MOBP: variants seen among roughly 807,000 people sequenced by gnomAD.
MOBP encodes the protein myelin-associated oligodendrocyte basic protein.
A neutral mutation model predicts 15.0 loss-of-function variants in MOBP; 5 were observed. The ratio of observed to expected loss-of-function variants is 0.33; its 90% CI spans 0.17 to 0.70. MOBP has a LOEUF of 0.70. Ranked by LOEUF, MOBP falls within the 30% of genes least tolerant of loss-of-function variation. MOBP has a pLI of 0.67. For synonymous variants in MOBP, 88 were observed against 99.0 expected (o/e 0.89, Z 0.66); for missense variants, 188 against 257.8 (o/e 0.73, Z 1.85).
chr3:39,480,742 T>C (rs2042616620), intron 2 of MOBP, among the ~76,000 whole-genome samples: 1 of 152,154 alleles, frequency 6.6e-6, no homozygotes, highest in Non-Finnish European at 1.5e-5. Flanking sequence ...GGCTGCCCAC[T>C]CCCTCTCCAC....
chr3:39,471,362 C>G (rs1278974184), intron 1 of MOBP, among the ~76,000 whole-genome samples: 1 of 152,080 alleles, frequency 6.6e-6, no homozygotes, highest in Non-Finnish European at 1.5e-5. Context: ...ATCTCCTGAC[C>G]TCGTGATCTG....
At chr3:39,489,311 A>G (rs765491406) in intron 2 of MOBP, among the ~76,000 whole-genome samples, 3 of 152,140 alleles carry the variant, frequency 2.0e-5, no homozygotes, top group Non-Finnish European at 2.9e-5. Context: ...CATTGGATAT[A>G]CTACTCATGG....
chr3:39,502,378 C>G lies in MOBP; in HGVS notation c.206+103C>G. On this transcript the variant is annotated intron_variant, in intron 3 of 3. Coordinates refer to ENST00000684792, the MANE Select transcript of MOBP (RefSeq NM_001393704.1). This position sits in a 1 kb window ranked among gnomAD's most constrained non-coding sequence, Gnocchi z 6.3. Reference sequence around the variant, plus strand: ...GCACCCCACTCTTCCCCCTAGTCGGCTCCGGGTTAGGCTCCGACACCGGAA... The same window carrying G: ...GCACCCCACTCTTCCCCCTAGTCGGGTCCGGGTTAGGCTCCGACACCGGAA... 1.3e-6 allele frequency: 2 copies of G among 1,557,496 alleles called. No homozygotes were observed. Among genetic ancestry groups the G allele is most frequent in the Non-Finnish European group, 1.7e-6 (2 of 1,153,802 alleles).
At chr3:39,478,073 T>C (rs1289946512) in intron 1 of MOBP, among the ~76,000 whole-genome samples, 2 of 152,110 alleles carry the variant, frequency 1.3e-5, no homozygotes, top group Non-Finnish European at 2.9e-5. Context: ...CCTAAGTATA[T>C]AGCATTTATA....
chr3:39,525,533 G>A (rs1355166298), downstream of MOBP: 1 of 152,382 alleles, frequency 6.6e-6, no homozygotes, highest in African/African-American at 2.4e-5. Context: ...TGTGCTAGGA[G>A]CTGGTGTGGC....
In MOBP at chr3:39,502,394, GACACC is replaced by G; in HGVS notation, c.206+120_206+124del. ...CCTAGTCGGCTCCGGGTTAGGCTCC[GACACC>G]GGAAGGCACTCCAGGGAGACTGGAA... is the stretch of plus-strand genomic sequence containing the variant. On this transcript the variant is annotated intron_variant, in intron 3 of 3. Transcript: ENST00000684792. The surrounding 1 kb of genome is among the most constrained non-coding windows in gnomAD (Gnocchi z 6.3). The G allele has an allele frequency of 6.5e-7, 1 of 1,536,278 alleles. No homozygotes were observed. The highest frequency in any genetic ancestry group is 8.7e-7 in the Non-Finnish European group (1 of 1,144,982).
intron 2 of MOBP, among the ~76,000 whole-genome samples, chr3:39,501,795 C>T (rs1005888352): frequency 2.0e-5 from 3 of 152,120 alleles, no homozygotes; most frequent in South Asian, 2.1e-4. Flanking sequence ...TTACATGGGT[C>T]TCTAAAACAT....
chr3:39,515,059 T>G (rs2043182566), exon 5 of MOBP: 1 of 151,700 alleles, frequency 6.6e-6, no homozygotes, highest in African/African-American at 2.4e-5. Flanking sequence ...TGGGCTCTCA[T>G]TTTCTCTCTC....
At chr3:39,469,182 G>GTGTGTGTATATACATATATACA (rs2042424432) in intron 1 of MOBP, among the ~76,000 whole-genome samples, 3 of 81,936 alleles carry the variant, frequency 3.7e-5, no homozygotes, top group Admixed American at 3.4e-4. Flanking sequence ...ATATACATGT[G>GTGTGTGTATATACATATATACA]TGTGTGTGTA....
rs577384707 is a variant in MOBP, at chr3:39,500,915, G to A, written c.-4-1151G>A. Among the ~76,000 whole-genome samples the A allele has an allele frequency of 9.2e-5, 14 of 152,274 alleles. No homozygotes were observed. The Middle Eastern group carries it at 0.01, about 111-fold the overall frequency. On this transcript the variant is annotated intron_variant, in intron 2 of 3. Coordinates refer to ENST00000684792, the MANE Select transcript of MOBP (RefSeq NM_001393704.1). ...ATGATAAAATCAAGTGAAACATTGG[G>A]AAAGAATATTTTTAACATACATAAC...
chr3:39,526,022 T>C (rs372630944), downstream of MOBP: 3 of 152,454 alleles, frequency 2.0e-5, no homozygotes, highest in East Asian at 5.8e-4. Context: ...TTCCTGGGAA[T>C]AACATGGTGA....
chr3:39,502,218 G>A lies in MOBP; in HGVS notation c.149G>A (p.Gly50Asp). 1.2e-6 allele frequency: 2 copies of A among 1,614,204 alleles called. No homozygotes were observed. The highest frequency in any genetic ancestry group is 1.7e-6 in the Non-Finnish European group (2 of 1,180,036). ...VDRKYSICKS[G>D]CFYQKKEEDW... ...CGGAAATACAGCATCTGTAAGAGCGGCTGCTTCTACCAGAAGAAAGAGGAG... is the reference window on the plus strand; with the variant it reads ...CGGAAATACAGCATCTGTAAGAGCGACTGCTTCTACCAGAAGAAAGAGGAG... The change falls in exon 3 of 4, where the codon GGC (glycine) becomes GAC (aspartate). Residue 50 changes from glycine (G) to aspartate (D), a missense_variant. Physicochemically the swap from Gly to Asp is moderately conservative, Grantham distance 94. Around this residue, in one of 2 missense-constraint regions of MOBP, gnomAD observed 133 missense variants for 212.5 expected, o/e 0.63. Transcript: ENST00000684792. This position sits in a 1 kb window ranked among gnomAD's most constrained non-coding sequence, Gnocchi z 6.3.
intron 3 of MOBP, among the ~76,000 whole-genome samples, chr3:39,523,723 G>A (rs1041716544): frequency 1.3e-5 from 2 of 152,114 alleles, no homozygotes; most frequent in Non-Finnish European, 2.9e-5. Context: ...CCAGTTGTTG[G>A]CATTTTGAGA....
At chr3:39,490,450 TAATTTTTCATGCTTTGAAA>T (rs1167264574) in intron 2 of MOBP, among the ~76,000 whole-genome samples, 1 of 152,244 alleles carries the variant, frequency 6.6e-6, no homozygotes, top group African/African-American at 2.4e-5. Context: ...GACTCAAAGT[TAATTTTTCATGCTTTGAAA>T]AAATTCAGTA....
chr3:39,500,873 C>A (rs977400776), intron 2 of MOBP, among the ~76,000 whole-genome samples: 1 of 152,116 alleles, frequency 6.6e-6, no homozygotes, highest in African/African-American at 2.4e-5. Flanking sequence ...TACTTAATTA[C>A]ATAAAACTAT....
Position 39,502,555 on chromosome 3 carries a change from C to A in MOBP, c.227C>A (p.Ser76Tyr). The change falls in exon 4 of 4, where the codon TCC (serine) becomes TAC (tyrosine). Residue 76 changes from serine (S) to tyrosine (Y), a missense_variant. By Grantham distance (144) the Ser-to-Tyr change is moderately radical. Transcript: ENST00000684792. The surrounding 1 kb of genome is among the most constrained non-coding windows in gnomAD (Gnocchi z 6.3). ...CTCAGAACCAGCCGCCGTGCCAAGT[C>A]CCCTCAGAGGCCCAAGCAACAGCCA... ...QKTRTSRRAK[S>Y]PQRPKQQPAA... 1 of 1,580,780 alleles carries A rather than the reference C, an allele frequency of 6.3e-7. No homozygotes were observed. Among genetic ancestry groups the A allele is most frequent in the Non-Finnish European group, 8.5e-7 (1 of 1,172,174 alleles).
intron 2 of MOBP, among the ~76,000 whole-genome samples, chr3:39,495,462 C>T (rs79174535): frequency 1.4e-4 from 21 of 150,654 alleles, no homozygotes; most frequent in African/African-American, 4.9e-4. Flanking sequence ...AAAAAAATAA[C>T]ACAAATATAA....
At chr3:39,496,547 G>C (rs958867667) in intron 2 of MOBP, among the ~76,000 whole-genome samples, 15 of 151,534 alleles carry the variant, frequency 9.9e-5, no homozygotes, top group Non-Finnish European at 2.2e-4. Flanking sequence ...TGCCCAGGCT[G>C]GAGTGCAGTG....
chr3:39,522,513 G>A (rs2043282082), intron 3 of MOBP, among the ~76,000 whole-genome samples: 1 of 152,110 alleles, frequency 6.6e-6, no homozygotes, highest in Non-Finnish European at 1.5e-5. Flanking sequence ...TTGAAACCAT[G>A]GCCTTAAATC....
Sources: allele counts gnomAD v4.1 joint callset (sites outside exome capture counted in the v4.1 genomes callset), GRCh38; gene constraint gnomAD v4.1.1; regional missense constraint gnomAD v4.1.1; non-coding constraint Gnocchi (gnomAD v3.1); transcripts MANE v1.5; gene names NCBI Gene and HGNC (gene_info 2026-07-23, HGNC 2026-07-21).